Variants in KCNIP4 observed in about 807,000 individuals in gnomAD.
KCNIP4 encodes the protein potassium voltage-gated channel interacting protein 4, also known as Kv channel-interacting protein 4.
KCNIP4 carries 12 observed loss-of-function variants against 34.0 expected under a neutral mutation model. The ratio of observed to expected loss-of-function variants is 0.35; its 90% confidence interval spans 0.23 to 0.57. The LOEUF is 0.57. KCNIP4 is among the 20% of genes least tolerant of loss of function. KCNIP4 has a pLI of 0.83. For missense variants in KCNIP4, 238 were observed against 311.7 expected, an observed-to-expected ratio of 0.76 and a Z score of 1.78; for synonymous variants, 124 against 102.2, an observed-to-expected ratio of 1.21 and a Z score of -1.29.
chr4:21,635,094 TAA>T (rs1385454016), intron 1 of KCNIP4, among the ~76,000 whole-genome samples: 1 of 152,168 alleles, frequency 6.6e-6, no homozygotes, highest in Non-Finnish European at 1.5e-5. Context: ...AACACAAATA[TAA>T]AGTTATTTTA....
At position 21,339,847 on chromosome 4, in the gene KCNIP4, A is replaced by G. The variant is rs538715528; in HGVS notation, c.62-457138T>C. On this transcript the variant is annotated intron_variant, in intron 1 of 8. Coordinates refer to ENST00000382152, the MANE Select transcript of KCNIP4 (RefSeq NM_025221.6). ...AGAAAATATTCAGAATTTGAATTAC[A>G]TAACTGGTGCTTACCAAAGAACAGG... is the stretch of plus-strand genomic sequence containing the variant. Among the ~76,000 whole-genome samples the G allele has an allele frequency of 3.3e-5, 5 of 152,316 alleles. No individual in the cohort carries two copies. The East Asian group carries it at 7.7e-4, about 23-fold the overall frequency.
intron 1 of KCNIP4, among the ~76,000 whole-genome samples, chr4:21,103,721 C>G (rs1748184321): frequency 6.8e-6 from 1 of 147,606 alleles, no homozygotes; most frequent in African/African-American, 2.5e-5. Context: ...TCTCCTAATG[C>G]TATCCCTCCC....
intron 3 of KCNIP4, among the ~76,000 whole-genome samples, chr4:20,844,934 C>A (rs1015093570): frequency 6.6e-6 from 1 of 152,008 alleles, no homozygotes; most frequent in Non-Finnish European, 1.5e-5. Context: ...ATGAAATTGC[C>A]CAAGGAGGGT....
In KCNIP4 at chr4:21,456,185, G is replaced by A. The variant is rs369890738; in HGVS notation, c.61+492386C>T. On this transcript the variant is annotated intron_variant, in intron 1 of 8. Coordinates refer to ENST00000382152, the MANE Select transcript of KCNIP4 (RefSeq NM_025221.6). ...TATTACCTTCAAAGAAACTCTGCCAGTTACAGGGACATTAAGTAATTTCCC... is the reference window on the plus strand; with the variant it reads ...TATTACCTTCAAAGAAACTCTGCCAATTACAGGGACATTAAGTAATTTCCC... Among the ~76,000 whole-genome samples, 5 of 147,292 alleles carry A rather than the reference G, an allele frequency of 3.4e-5. 1 individual carries two copies. Among genetic ancestry groups the A allele is most frequent in the African/African-American group, 1.1e-4 (4 of 37,652 alleles).
At chr4:21,859,371 A>G (rs1368434990) in intron 1 of KCNIP4, among the ~76,000 whole-genome samples, 1 of 151,874 alleles carries the variant, frequency 6.6e-6, no homozygotes, top group Non-Finnish European at 1.5e-5. Context: ...TCTTAAGAAT[A>G]GTGCTCTCGG....
Position 20,963,557 on chromosome 4 carries a change from G to T in KCNIP4, c.62-80848C>A, listed in dbSNP as rs1734062353. The stretch of plus-strand genomic sequence containing the variant: ...TAGGAAAGGTGCTATGTGTACTATG[G>T]ATTAAAAAAAAAGTAGTGCATGTTT... On this transcript the variant is annotated intron_variant, in intron 1 of 8. Transcript: ENST00000382152. Among the ~76,000 whole-genome samples, 3 of 151,656 alleles carry T rather than the reference G, an allele frequency of 2.0e-5. No homozygotes were observed. The South Asian group carries it at 6.2e-4, about 32-fold the overall frequency.
At chr4:21,846,298 G>A (rs753858109) in intron 1 of KCNIP4, 8 of 152,058 alleles carry the variant, frequency 5.3e-5, no homozygotes, top group Non-Finnish European at 1.2e-4. Flanking sequence ...CATACAGACA[G>A]ATATAGATAC....
At chr4:21,924,075 A>G (rs1729092091) in intron 1 of KCNIP4, among the ~76,000 whole-genome samples, 1 of 152,196 alleles carries the variant, frequency 6.6e-6, no homozygotes, top group African/African-American at 2.4e-5. Context: ...CAAAAATTAT[A>G]GGTGTCAATA....
chr4:21,403,974 G>A (rs1467829323), intron 1 of KCNIP4, among the ~76,000 whole-genome samples: 2 of 152,206 alleles, frequency 1.3e-5, no homozygotes. Flanking sequence ...TGCCACACCA[G>A]AGATTAGGTT....
intron 1 of KCNIP4, among the ~76,000 whole-genome samples, chr4:21,613,086 T>A (rs752070895): frequency 1.3e-5 from 2 of 152,154 alleles, no homozygotes; most frequent in Non-Finnish European, 2.9e-5. Context: ...TCCACCAAGT[T>A]GGAACATGAG....
intron 3 of KCNIP4, among the ~76,000 whole-genome samples, chr4:20,847,819 A>G (rs1027799657): frequency 2.6e-5 from 4 of 152,172 alleles, no homozygotes; most frequent in African/African-American, 9.7e-5. Flanking sequence ...ATGTTGACGA[A>G]TGGTTTATCC....
rs368912516 is a variant in KCNIP4, at chr4:21,523,570, T to C, written c.61+425001A>G. Among the ~76,000 whole-genome samples, 235 of 152,096 alleles carry C rather than the reference T, an allele frequency of 1.5e-3. 10 individuals are homozygous for C. The South Asian group carries it at 0.042, about 27-fold the overall frequency. The stretch of plus-strand genomic sequence containing the variant: ...CTTCCGTCCTTCCTTTTACTTTCCT[T>C]CTTTCTCTTTCTTTTCTTTCAGACA... On this transcript the variant is annotated intron_variant, in intron 1 of 8. Coordinates refer to ENST00000382152, the MANE Select transcript of KCNIP4 (RefSeq NM_025221.6).
chr4:20,734,786 AAC>A (rs1339499845), intron 5 of KCNIP4, 51 bp from the exon 6 acceptor site: 15 of 1,046,108 alleles, frequency 1.4e-5, no homozygotes, highest in Non-Finnish European at 2.1e-5. Context: ...AAAAAACAAA[AAC>A]AAAAAAAACA....
At chr4:21,428,942 G>T (rs926195796) in intron 1 of KCNIP4, among the ~76,000 whole-genome samples, 1 of 151,960 alleles carries the variant, frequency 6.6e-6, no homozygotes, top group Non-Finnish European at 1.5e-5. Flanking sequence ...TACCACAATG[G>T]TATACTGGTT....
chr4:21,581,461 G>C (rs1012262458), intron 1 of KCNIP4, among the ~76,000 whole-genome samples: 2 of 151,962 alleles, frequency 1.3e-5, no homozygotes, highest in African/African-American at 4.8e-5. Flanking sequence ...TAACGGATGA[G>C]AGTTTGGCTA....
chr4:20,921,063 G>A (rs1262436887), intron 1 of KCNIP4, among the ~76,000 whole-genome samples: 3 of 152,096 alleles, frequency 2.0e-5, no homozygotes, highest in Non-Finnish European at 2.9e-5. Flanking sequence ...AAAAGAACTG[G>A]AAACAGGAAT....
chr4:20,880,285 G>C (rs111445018), intron 2 of KCNIP4, among the ~76,000 whole-genome samples: 12 of 152,130 alleles, frequency 7.9e-5, no homozygotes, highest in African/African-American at 2.9e-4. Flanking sequence ...CTGAACATGA[G>C]AGACTTTTGC....
chr4:21,504,475 A>AAAAAGAAAGAAAGAAAG (rs1264431211), intron 1 of KCNIP4, among the ~76,000 whole-genome samples: 69 of 101,864 alleles, frequency 6.8e-4, no homozygotes, highest in African/African-American at 1.2e-3. Flanking sequence ...CAAAAAAAAA[A>AAAAAGAAAGAAAGAAAG]AAAGAAAGAA....
intron 1 of KCNIP4, among the ~76,000 whole-genome samples, chr4:21,147,939 C>CAAAAAAAAAAAAAAAAAAAAAAAAAAAAA (rs377562727): frequency 6.8e-4 from 21 of 31,008 alleles, no homozygotes; most frequent in South Asian, 1.6e-3. Context: ...AACTCCGTCT[C>CAAAAAAAAAAAAAAAAAAAAAAAAAAAAA]AAAAAAAAAA....
Sources: allele counts gnomAD v4.1 joint callset (sites outside exome capture counted in the v4.1 genomes callset), GRCh38; gene constraint gnomAD v4.1.1; transcripts MANE v1.5; gene names NCBI Gene and HGNC (gene_info 2026-07-23, HGNC 2026-07-21).